TEP1: variants seen among roughly 807,000 people sequenced by gnomAD.
The protein encoded by TEP1 is telomerase protein component 1.
In TEP1, 241 loss-of-function variants were observed where a neutral mutation model predicts 306.3. The ratio of observed to expected loss-of-function variants is 0.79; its 90% CI spans 0.71 to 0.88. TEP1 has a LOEUF of 0.88. Ranked by LOEUF, TEP1 falls within the 40% of genes least tolerant of loss-of-function variation. The pLI, the probability that TEP1 is intolerant of heterozygous loss-of-function variation, is 0.00. For missense variants in TEP1, 3,051 were observed against 3,276.1 expected, an observed-to-expected ratio of 0.93 and a Z score of 1.68; for synonymous variants, 1,289 against 1,305.5, an observed-to-expected ratio of 0.99 and a Z score of 0.27.
rs1471236781 is a variant in TEP1, at chr14:20,371,207, A to G, written c.7317+11T>C. 1 of 1,610,296 alleles carries G rather than the reference A, an allele frequency of 6.2e-7. No individual in the cohort carries two copies. Among genetic ancestry groups the G allele is most frequent in the East Asian group, 2.2e-5 (1 of 44,866 alleles). ...AATGTTTGCTTTAGCACACACTCAA[A>G]TAGGACTTACCAAGAAAGAAAGAAC... On this transcript the variant is annotated intron_variant, in intron 51 of 54. Coordinates refer to ENST00000262715, the MANE Select transcript of TEP1 (RefSeq NM_007110.5).
At position 20,389,570 on chromosome 14, in the gene TEP1, C is replaced by T. The variant is rs750618841; in HGVS notation, c.2465+40G>A. On this transcript the variant is annotated intron_variant, in intron 16 of 54. Coordinates refer to ENST00000262715, the MANE Select transcript of TEP1 (RefSeq NM_007110.5). ...AGGCGTAGAGAGGAAATGTAGACCA[C>T]TGATTTCTGACACTGGGCAGGAAGT... 8.1e-6 allele frequency: 13 copies of T among 1,608,344 alleles called. No individual in the cohort carries two copies. The South Asian group carries it at 1.1e-4, about 14-fold the overall frequency.
At position 20,369,917 on chromosome 14, in the gene TEP1, A is replaced by AGTC. The variant is rs59667471; in HGVS notation, c.7318-139_7318-138insGAC. The AGTC allele has an allele frequency of 9.7e-4, 574 of 590,182 alleles. 3 individuals carry two copies. The highest frequency in any genetic ancestry group is 2.0e-3 in the East Asian group (65 of 32,620). 36.6% of individuals were successfully genotyped at this position (590,182 alleles called of 1,614,324 possible). On this transcript the variant is annotated intron_variant, in intron 51 of 54. Transcript: ENST00000262715. ...CAACTTAGATACAATCAAGTGCGCA[A>AGTC]ATTTTTTTTTTTTTGAGACGGAGTC...
chr14:20,369,967 G>A (rs1323192187), intron 51 of TEP1, among the ~76,000 whole-genome samples, 188 bp from the exon 52 acceptor site: 1 of 147,414 alleles, frequency 6.8e-6, no homozygotes, highest in Non-Finnish European at 1.5e-5. Context: ...AGGCTGGAGT[G>A]CAGTGGCGTG....
In TEP1 at chr14:20,404,676, G is replaced by T. The variant is rs1341590558; in HGVS notation, c.967C>A (p.Arg323=). The T allele has an allele frequency of 3.1e-6, 5 of 1,614,160 alleles. No homozygotes were observed. The East Asian group carries it at 1.1e-4, about 36-fold the overall frequency. Reference sequence around the variant, plus strand: ...TGGACAATGGCACAGAAATATCGTCGCAGGTGGGGGCGACACGCCGGCAAG... The same window carrying T: ...TGGACAATGGCACAGAAATATCGTCTCAGGTGGGGGCGACACGCCGGCAAG... The part of the protein sequence containing the change: ...AFLPACRPHL[R]RYFCAIVQLP... Residue 323 remains arginine, a synonymous_variant, in exon 5 of 55, where the codon CGA becomes AGA. Coordinates refer to ENST00000262715, the MANE Select transcript of TEP1 (RefSeq NM_007110.5).
In TEP1 at chr14:20,369,481, T is replaced by A; in HGVS notation, c.7519A>T (p.Lys2507Ter). 6.2e-7 allele frequency: 1 copy of A among 1,614,192 alleles called. No individual in the cohort carries two copies. Among genetic ancestry groups the A allele is most frequent in the Non-Finnish European group, 8.5e-7 (1 of 1,180,034 alleles). Reference protein sequence around the residue: ...GEWTTGNMWQKKANTPETQTP... With the variant: ...GEWTTGNMWQ The stretch of plus-strand genomic sequence containing the variant: ...TGGGTTTCTGGAGTGTTTGCTTTTT[T>A]CTGCCACATGTTACCTGTGGTCCAT... The change falls in exon 53 of 55, where the codon AAA (lysine) becomes TAA (stop). Residue 2507 changes from lysine to a stop codon, truncating the protein, a stop_gained. Transcript: ENST00000262715. LOFTEE classifies it high-confidence loss of function.
chr14:20,385,126 G>T lies in TEP1; in HGVS notation c.2983-17C>A. The T allele has an allele frequency of 6.2e-7, 1 of 1,613,654 alleles. No individual in the cohort carries two copies. Among genetic ancestry groups the T allele is most frequent in the Non-Finnish European group, 8.5e-7 (1 of 1,179,902 alleles). ...CTGCTGGGCCTGCGGGGAGGACAGA[G>T]ACAGTGAGTTTAGTCCTAGGCCACA... On this transcript the variant is annotated splice_polypyrimidine_tract_variant and intron_variant, in intron 20 of 54. Coordinates refer to ENST00000262715, the MANE Select transcript of TEP1 (RefSeq NM_007110.5).
Position 20,396,728 on chromosome 14 carries a change from T to A in TEP1, c.1552A>T (p.Asn518Tyr). 6.2e-7 allele frequency: 1 copy of A among 1,603,242 alleles called. No individual in the cohort carries two copies. Among genetic ancestry groups the A allele is most frequent in the Non-Finnish European group, 8.5e-7 (1 of 1,172,544 alleles). Residue 518 changes from asparagine (N) to tyrosine (Y), a missense_variant and splice_region_variant, in exon 10 of 55, where the codon AAT becomes TAT. Asn to Tyr is a moderately radical substitution (Grantham distance 143, BLOSUM62 -2). Transcript: ENST00000262715. ...ATGGCCATGAAGGGAAGCTTCCCAT[T>A]TTCTGTGGAATGTGGGGCATAGAGT... ...KASVWEELIENGKLPFMAMLR... is the reference protein window; with the variant it reads ...KASVWEELIEYGKLPFMAMLR...
chr14:20,380,101 A>C, intron 34 of TEP1, 48 bp from the exon 35 acceptor site: 1 of 1,596,278 alleles, frequency 6.3e-7, no homozygotes, highest in South Asian at 1.1e-5. Flanking sequence ...AGAGAATGCA[A>C]ACAGGAGTTG....
chr14:20,369,388 C>A lies in TEP1; in HGVS notation c.7612G>T (p.Asp2538Tyr), dbSNP rs758850137. 1.2e-5 allele frequency: 19 copies of A among 1,613,760 alleles called. No individual in the cohort carries two copies. The Admixed American group carries it at 1.8e-4, about 16-fold the overall frequency. ...TTTAGATGTGGTGTTGGCTCACTAT[C>A]CATGCTGGCATCACTATCCATGCTG... The part of the protein sequence containing the change: ...DASMDSDASM[D>Y]SEPTPHLKTR... Residue 2538 changes from aspartate to tyrosine, a missense_variant, in exon 53 of 55, where the codon GAT becomes TAT. This residue lies in a region of TEP1 where 1,540 missense variants were observed against 1,705.9 expected (regional missense o/e 0.90). Coordinates refer to ENST00000262715, the MANE Select transcript of TEP1 (RefSeq NM_007110.5).
chr14:20,405,754 C>G (rs543725269), intron 3 of TEP1, among the ~76,000 whole-genome samples, 169 bp from the exon 4 acceptor site: 1 of 152,138 alleles, frequency 6.6e-6, no homozygotes, highest in Non-Finnish European at 1.5e-5. Flanking sequence ...TGGCTCACAT[C>G]TGTAATCCCA....
Position 20,368,268 on chromosome 14 carries a change from G to A in TEP1, c.*169C>T. On this transcript the variant is annotated 3_prime_UTR_variant, in exon 55 of 55. Coordinates refer to ENST00000262715, the MANE Select transcript of TEP1 (RefSeq NM_007110.5). ...ATACATACACATAGAATATCCTCCT[G>A]TTCTAAATCCACATGAGAACACAGG... 4.5e-6 allele frequency: 3 copies of A among 663,824 alleles called. No homozygotes were observed. Among genetic ancestry groups the A allele is most frequent in the Non-Finnish European group, 7.2e-6 (3 of 418,060 alleles). 41.1% of individuals were successfully genotyped at this position (663,824 alleles called of 1,614,324 possible).
chr14:20,381,602 G>T lies in TEP1; in HGVS notation c.4509C>A (p.Cys1503Ter). 1 of 1,613,942 alleles carries T rather than the reference G, an allele frequency of 6.2e-7. No homozygotes were observed. The highest frequency in any genetic ancestry group is 2.2e-5 in the East Asian group (1 of 44,874). The stretch of plus-strand genomic sequence containing the variant: ...CCTCTAGCCCTGGCCTCTTCCCATA[G>T]CAACGTTTAGCTGCTGTTCTCAGGG... ...DGPLRTAAKR[C>*]YGKRPGLEDT... Residue 1503 changes from cysteine to a stop codon, truncating the protein, a stop_gained, in exon 31 of 55, where the codon TGC becomes TGA. Transcript: ENST00000262715. LOFTEE classifies it high-confidence loss of function. This position sits in a 1 kb window ranked among gnomAD's most constrained non-coding sequence, Gnocchi z 4.0.
chr14:20,379,906 T>C, intron 35 of TEP1, 24 bp downstream of exon 35: 1 of 1,600,224 alleles, frequency 6.2e-7, no homozygotes, highest in Non-Finnish European at 8.5e-7. Flanking sequence ...GAGGGTAAAT[T>C]CTGCCCCTCC....
rs755344910 is a variant in TEP1, at chr14:20,378,790, C to T, written c.5316G>A (p.Arg1772=). ...ITGCCLSPDC[R]LLATVCLGGC... is the part of the protein sequence containing the mutation. Reference sequence around the variant, plus strand: ...CTCCCAAGCACACGGTGGCTAGCAGCCGGCAGTCTGGGCTCAGGCAGCAGC... The same window carrying T: ...CTCCCAAGCACACGGTGGCTAGCAGTCGGCAGTCTGGGCTCAGGCAGCAGC... The change falls in exon 37 of 55, where the codon CGG becomes CGA. Residue 1772 remains arginine, a synonymous_variant. Coordinates refer to ENST00000262715, the MANE Select transcript of TEP1 (RefSeq NM_007110.5). 5 of 1,614,084 alleles carry T rather than the reference C, an allele frequency of 3.1e-6. No homozygotes were observed. The highest frequency in any genetic ancestry group is 8.5e-7 in the Non-Finnish European group (1 of 1,180,044).
rs1412309621 is a variant in TEP1 at position 20,366,715 on chromosome 14, G to A, written c.*1722C>T. The A allele has an allele frequency of 6.6e-6, 1 of 152,216 alleles. No homozygotes were observed. Among genetic ancestry groups the A allele is most frequent in the Non-Finnish European group, 1.5e-5 (1 of 68,040 alleles). 9.4% of individuals were successfully genotyped at this position (152,216 alleles called of 1,614,324 possible). ...TCAAAACTCATTTCTAGACCAGGGT[G>A]TAGTGGTATTTCTCCAAGAGAAACC... On this transcript the variant is annotated 3_prime_UTR_variant, in exon 55 of 55. Transcript: ENST00000262715.
At position 20,390,681 on chromosome 14, in the gene TEP1, A is replaced by C. The variant is rs912812814; in HGVS notation, c.2334T>G (p.Pro778=). The C allele has an allele frequency of 6.2e-7, 1 of 1,614,038 alleles. No individual in the cohort carries two copies. The highest frequency in any genetic ancestry group is 1.3e-5 in the African/African-American group (1 of 74,948). The part of the protein sequence containing the change: ...YLLSLAGQRV[P]VDRVILLGQS... ...GGGTTTCTCAGGGATTAATACTCAC[A>C]GGAACCCTTTGGCCAGCCAGAGACA... Residue 778 remains proline (P), a splice_region_variant and synonymous_variant, in exon 15 of 55, where the codon CCT becomes CCG. Coordinates refer to ENST00000262715, the MANE Select transcript of TEP1 (RefSeq NM_007110.5).
In TEP1 at chr14:20,396,631, A is replaced by C. The variant is rs749864592; in HGVS notation, c.1649T>G (p.Leu550Arg). Residue 550 changes from leucine to arginine, a missense_variant, in exon 10 of 55, where the codon CTC (leucine) becomes CGC (arginine). Around this residue, in one of 3 missense-constraint regions of TEP1, gnomAD observed 1,507 missense variants for 1,550.5 expected, o/e 0.97. Transcript: ENST00000262715. ...SRHHELILQR[L>R]QHAKSVIHSR... ...GCCCCTCACACATACCGCATGCTGG[A>C]GTCTCTGGAGAATGAGCTCATGGTG... is the stretch of plus-strand genomic sequence containing the variant. The C allele has an allele frequency of 1.2e-6, 2 of 1,608,376 alleles. No individual in the cohort carries two copies. Among genetic ancestry groups the C allele is most frequent in the East Asian group, 4.5e-5 (2 of 44,712 alleles).
chr14:20,404,481 C>G, intron 5 of TEP1, 130 bp downstream of exon 5: 1 of 1,193,038 alleles, frequency 8.4e-7, no homozygotes, highest in East Asian at 2.7e-5. Context: ...GAGAAGCTGT[C>G]CTGTCTGGGC....
chr14:20,380,837 C>T (rs1885488725), intron 33 of TEP1, 94 bp downstream of exon 33: 2 of 1,073,552 alleles, frequency 1.9e-6, no homozygotes, highest in African/African-American at 3.2e-5. Context: ...TTCCCTGACA[C>T]CCACACCCCT....
Sources: allele counts gnomAD v4.1 joint callset (sites outside exome capture counted in the v4.1 genomes callset), GRCh38; gene constraint gnomAD v4.1.1; regional missense constraint gnomAD v4.1.1; non-coding constraint Gnocchi (gnomAD v3.1); transcripts MANE v1.5; gene names NCBI Gene and HGNC (gene_info 2026-07-23, HGNC 2026-07-21).